Variants in NBEA observed in about 807,000 individuals in gnomAD.
NBEA encodes the protein neurobeachin.
Under a neutral mutation model 343.4 loss-of-function variants are expected in NBEA, and 44 were observed. The ratio of observed to expected loss-of-function variants is 0.13; its 90% CI spans 0.10 to 0.16. The LOEUF (loss-of-function observed/expected upper bound fraction) is 0.16. Ranked by LOEUF, NBEA falls within the 10% of genes least tolerant of loss-of-function variation. The pLI is 1.00. For missense variants in NBEA, 2,555 were observed against 3,631.3 expected (o/e 0.70, Z 7.62); for synonymous variants, 1,175 against 1,238.7 (o/e 0.95, Z 1.08).
chr13:35,011,775 G>T (rs1391401607), intron 1 of NBEA, among the ~76,000 whole-genome samples: 1 of 151,998 alleles, frequency 6.6e-6, no homozygotes, highest in Non-Finnish European at 1.5e-5. Flanking sequence ...TTCATTTTAG[G>T]CTACTTGATA....
intron 41 of NBEA, among the ~76,000 whole-genome samples, chr13:35,488,493 T>A (rs2076384845): frequency 6.6e-6 from 1 of 151,924 alleles, no homozygotes; most frequent in African/African-American, 2.4e-5. Flanking sequence ...ATTTTGTATC[T>A]ACAAATGAAA....
chr13:35,420,133 G>A (rs2044180853), intron 38 of NBEA, among the ~76,000 whole-genome samples: 1 of 151,666 alleles, frequency 6.6e-6, no homozygotes, highest in Non-Finnish European at 1.5e-5. Flanking sequence ...TTGCCTTACT[G>A]CATTGGCTAG....
At chr13:35,423,764 G>C (rs1358763581) in intron 38 of NBEA, among the ~76,000 whole-genome samples, 1 of 152,004 alleles carries the variant, frequency 6.6e-6, no homozygotes, top group Non-Finnish European at 1.5e-5. Flanking sequence ...TCACGATATT[G>C]GTTCTTCCTA....
intron 48 of NBEA, among the ~76,000 whole-genome samples, chr13:35,609,449 A>G (rs541261404): frequency 1.5e-3 from 235 of 152,352 alleles, no homozygotes; most frequent in African/African-American, 5.2e-3. Flanking sequence ...AAGATTTACT[A>G]TGATACAGGG....
chr13:35,490,069 C>CA (rs2076447343), intron 41 of NBEA, among the ~76,000 whole-genome samples: 1 of 151,820 alleles, frequency 6.6e-6, no homozygotes, highest in Non-Finnish European at 1.5e-5. Flanking sequence ...ATAACTGTTT[C>CA]AATGAGTGGC....
At chr13:35,665,375 T>C (rs1159573033) in intron 56 of NBEA, among the ~76,000 whole-genome samples, 189 bp downstream of exon 56, 1 of 152,204 alleles carries the variant, frequency 6.6e-6, no homozygotes, top group Non-Finnish European at 1.5e-5. Flanking sequence ...AAATTTTATG[T>C]AGTATTTTGT....
intron 1 of NBEA, among the ~76,000 whole-genome samples, chr13:35,013,199 A>G (rs960265737): frequency 6.6e-6 from 1 of 152,224 alleles, no homozygotes; most frequent in Admixed American, 6.5e-5. Flanking sequence ...AGAATGGTCA[A>G]CAAGACCAAT....
At chr13:35,283,060 T>A (rs1000426502) in intron 34 of NBEA, among the ~76,000 whole-genome samples, 5 of 152,142 alleles carry the variant, frequency 3.3e-5, no homozygotes, top group African/African-American at 1.2e-4. Context: ...CTTCAGCTCA[T>A]ATTAAAATCA....
At chr13:35,382,852 A>T (rs764675468) in intron 38 of NBEA, among the ~76,000 whole-genome samples, 3 of 152,220 alleles carry the variant, frequency 2.0e-5, no homozygotes, top group Non-Finnish European at 2.9e-5. Context: ...CCCCTAGTTT[A>T]GACTTTTATG....
intron 56 of NBEA, 110 bp from the exon 57 acceptor site, chr13:35,667,264 C>T: frequency 1.2e-6 from 1 of 866,216 alleles, no homozygotes; most frequent in Non-Finnish European, 1.8e-6. Context: ...CTTTCCTGTC[C>T]TCTTCCGTCA....
chr13:35,302,135 ATTCTCAT>A (rs1294125673), intron 35 of NBEA, among the ~76,000 whole-genome samples: 1 of 152,150 alleles, frequency 6.6e-6, no homozygotes, highest in East Asian at 1.9e-4. Flanking sequence ...AGGCTTTCAA[ATTCTCAT>A]TTTACTTTAT....
intron 28 of NBEA, among the ~76,000 whole-genome samples, chr13:35,181,767 A>G (rs1593640777): frequency 6.6e-6 from 1 of 151,636 alleles, no homozygotes; most frequent in Non-Finnish European, 1.5e-5. Context: ...GTCAAATGTT[A>G]CCTGTTTATA....
chr13:34,981,248 G>T (rs1319557593), intron 1 of NBEA, among the ~76,000 whole-genome samples: 2 of 152,104 alleles, frequency 1.3e-5, no homozygotes, highest in African/African-American at 4.8e-5. Flanking sequence ...TTATTGCCAA[G>T]TAATATTATG....
In NBEA at chr13:35,164,600, C is replaced by A. The variant is rs2069844512; in HGVS notation, c.4233+91C>A. 6 of 1,355,280 alleles carry A rather than the reference C, an allele frequency of 4.4e-6. No individual in the cohort carries two copies. In the South Asian group the frequency reaches 8.0e-5, roughly 18 times the overall value. 84.0% of individuals were successfully genotyped at this position (1,355,280 alleles called of 1,614,324 possible). On this transcript the variant is annotated intron_variant, in intron 24 of 58. Coordinates refer to ENST00000379939, the MANE Select transcript of NBEA (RefSeq NM_001385012.1). ...GGTCTAGGCTATAAACACATTTTAA[C>A]CAGACCTGTACTTTTTAGGCAAATT... is the stretch of plus-strand genomic sequence containing the variant.
In NBEA at chr13:35,654,849, T is replaced by C; in HGVS notation, c.8036-6T>C. The C allele has an allele frequency of 6.4e-7, 1 of 1,566,308 alleles. No homozygotes were observed. Among genetic ancestry groups the C allele is most frequent in the Non-Finnish European group, 8.6e-7 (1 of 1,164,018 alleles). On this transcript the variant is annotated splice_region_variant and splice_polypyrimidine_tract_variant and intron_variant, in intron 53 of 58. Transcript: ENST00000379939. ...TCTTCAAATGCTTTTTTCCATTTACTTTTAGCCAATAATTCAGGTGTAAAC... is the reference window on the plus strand; with the variant it reads ...TCTTCAAATGCTTTTTTCCATTTACCTTTAGCCAATAATTCAGGTGTAAAC...
intron 34 of NBEA, among the ~76,000 whole-genome samples, chr13:35,288,240 T>A (rs1408805730): frequency 6.6e-6 from 1 of 152,022 alleles, no homozygotes; most frequent in African/African-American, 2.4e-5. Context: ...TAGTAAAACA[T>A]TGAGTTTACC....
At chr13:35,292,407 T>A (rs1254997554) in intron 35 of NBEA, among the ~76,000 whole-genome samples, 1 of 151,898 alleles carries the variant, frequency 6.6e-6, no homozygotes, top group African/African-American at 2.4e-5. Flanking sequence ...ATAAATACAG[T>A]TAATGATGCT....
intron 45 of NBEA, among the ~76,000 whole-genome samples, chr13:35,571,055 A>C (rs1032137871): frequency 6.6e-6 from 1 of 152,288 alleles, no homozygotes; most frequent in African/African-American, 2.4e-5. Flanking sequence ...TCTAACAACA[A>C]AAGTAGTTGT....
intron 1 of NBEA, among the ~76,000 whole-genome samples, chr13:34,997,739 A>G (rs1217185154): frequency 6.6e-6 from 1 of 152,216 alleles, no homozygotes; most frequent in Non-Finnish European, 1.5e-5. Flanking sequence ...TGAAGCTAGT[A>G]TTCCAATTTG....
Sources: allele counts gnomAD v4.1 joint callset (sites outside exome capture counted in the v4.1 genomes callset), GRCh38; gene constraint gnomAD v4.1.1; transcripts MANE v1.5; gene names NCBI Gene and HGNC (gene_info 2026-07-23, HGNC 2026-07-21).